BID: variants seen among roughly 807,000 people sequenced by gnomAD.
The protein encoded by BID is BH3-interacting domain death agonist.
Under a neutral mutation model 17.4 loss-of-function variants are expected in BID, and 19 were observed. That is an observed-to-expected ratio of 1.09 (90% CI 0.76 to 1.60). BID has a LOEUF of 1.60. BID is among the 40% of genes most tolerant of loss of function. The pLI is 0.00. For synonymous variants in BID, 108 were observed against 102.8 expected, an observed-to-expected ratio of 1.05 and a Z score of -0.31; for missense variants, 226 against 256.0, an observed-to-expected ratio of 0.88 and a Z score of 0.80.
chr22:17,747,008 T>C (rs181402), intron 2 of BID, among the ~76,000 whole-genome samples: 129,022 of 152,200 alleles, frequency 0.85, 54,811 homozygotes, highest in East Asian at 0.94. Flanking sequence ...CACAGAGCGG[T>C]GCTGCCACCA....
chr22:17,760,308 C>T (rs1801973271), intron 1 of BID, among the ~76,000 whole-genome samples: 1 of 150,802 alleles, frequency 6.6e-6, no homozygotes, highest in African/African-American at 2.4e-5. Context: ...AAAACTTAGC[C>T]AGGTGAGGTG....
At chr22:17,762,388 C>T (rs555001420) in intron 1 of BID, among the ~76,000 whole-genome samples, 109 of 152,054 alleles carry the variant, frequency 7.2e-4, no homozygotes, top group African/African-American at 2.6e-3. Context: ...CCCAGCTACT[C>T]GGGAGGCTGA....
rs949080684 is a variant in BID, at chr22:17,734,507, C to T, written c.*1073G>A. 3.9e-5 allele frequency: 6 copies of T among 152,170 alleles called. No individual in the cohort carries two copies. Among genetic ancestry groups the T allele is most frequent in the African/African-American group, 1.4e-4 (6 of 41,438 alleles). 9.4% of individuals were successfully genotyped at this position (152,170 alleles called of 1,614,324 possible). ...ATAGCTTACCACTGGAACAGCAGAC[C>T]AGTGTTGCACTGTTTCTAAAGCTAA... On this transcript the variant is annotated 3_prime_UTR_variant, in exon 6 of 6. Coordinates refer to ENST00000622694, the MANE Select transcript of BID (RefSeq NM_001196.4).
chr22:17,750,772 A>G (rs547075473), intron 1 of BID, among the ~76,000 whole-genome samples: 59 of 152,138 alleles, frequency 3.9e-4, no homozygotes, highest in Middle Eastern at 3.4e-3. Flanking sequence ...AGGTTGCAGT[A>G]AGCCGAGATC....
chr22:17,736,775 G>A (rs914097447), intron 5 of BID, among the ~76,000 whole-genome samples: 6 of 151,662 alleles, frequency 4.0e-5, no homozygotes, highest in East Asian at 1.9e-4. Context: ...CCATGACGGC[G>A]TGAACTACAG....
Position 17,769,307 on chromosome 22 carries a change from C to A in BID, c.-59+5074G>T, listed in dbSNP as rs1040393158. 1.3e-5 allele frequency among the ~76,000 whole-genome samples: 2 copies of A among 152,232 alleles called. No individual in the cohort carries two copies. The highest frequency in any genetic ancestry group is 6.5e-5 in the Admixed American group (1 of 15,286). The stretch of plus-strand genomic sequence containing the variant: ...TACACGGGTGACCCTTCCACAAAGG[C>A]CCCTAGCTGGGCTCCCTGCTCAGTT... On this transcript the variant is annotated intron_variant, in intron 1 of 5. Coordinates refer to ENST00000622694, the MANE Select transcript of BID (RefSeq NM_001196.4). The surrounding 1 kb of genome is among the most constrained non-coding windows in gnomAD (Gnocchi z 4.8).
At position 17,739,427 on chromosome 22, in the gene BID, G is replaced by A. The variant is rs907314237; in HGVS notation, c.285C>T (p.Asp95=). 2 of 1,612,244 alleles carry A rather than the reference G, an allele frequency of 1.2e-6. No individual in the cohort carries two copies. Among genetic ancestry groups the A allele is most frequent in the African/African-American group, 2.7e-5 (2 of 74,938 alleles). ...CCGGAGGGATGCTACGGTCCATGCT[G>A]TCCCCGACCTGGGCGAGGTGCCTGG... ...NIARHLAQVG[D]SMDRSIPPGL... The change falls in exon 4 of 6, where the codon GAC becomes GAT. Residue 95 remains aspartate, a synonymous_variant. Transcript: ENST00000622694.
At chr22:17,740,158 G>T (rs1272175084) in intron 3 of BID, 1 of 1,612,100 alleles carries the variant, frequency 6.2e-7, no homozygotes, top group South Asian at 1.1e-5. Flanking sequence ...AGCACTTGCT[G>T]TGTTATTGTC....
rs1601884456 is a variant in BID at position 17,769,687 on chromosome 22, G to A, written c.-59+4694C>T. On this transcript the variant is annotated intron_variant, in intron 1 of 5. Transcript: ENST00000622694. This position sits in a 1 kb window ranked among gnomAD's most constrained non-coding sequence, Gnocchi z 4.8. ...CCTGCCTCAGTTCCGCAGCCAGGAC[G>A]GTGCCTTACTGACTCCACACACAGA... 6.6e-6 allele frequency among the ~76,000 whole-genome samples: 1 copy of A among 152,158 alleles called. No individual in the cohort carries two copies. Among genetic ancestry groups the A allele is most frequent in the Admixed American group, 6.5e-5 (1 of 15,280 alleles).
At chr22:17,756,822 C>G (rs374819803) in intron 1 of BID, among the ~76,000 whole-genome samples, 2 of 152,176 alleles carry the variant, frequency 1.3e-5, no homozygotes, top group Admixed American at 6.5e-5. Context: ...GATCCGCCCC[C>G]CTCAGCCTCT....
In BID at chr22:17,735,457, T is replaced by TATC. The variant is rs1477164087; in HGVS notation, c.*120_*122dup. The stretch of plus-strand genomic sequence containing the variant: ...TTGTCTTTAAAATAGAAGTCACAGC[T>TATC]ATCTTCCAGCCTGTCTTCTCTAGGA... On this transcript the variant is annotated 3_prime_UTR_variant, in exon 6 of 6. Coordinates refer to ENST00000622694, the MANE Select transcript of BID (RefSeq NM_001196.4). The TATC allele has an allele frequency of 9.1e-7, 1 of 1,094,044 alleles. No individual in the cohort carries two copies. Among genetic ancestry groups the TATC allele is most frequent in the Non-Finnish European group, 1.4e-6 (1 of 731,230 alleles). The allele number at this position is 1,094,044 out of a possible 1,614,324, so 67.8% of individuals were successfully genotyped here.
At chr22:17,753,059 C>T (rs867581705) in intron 1 of BID, among the ~76,000 whole-genome samples, 4 of 150,306 alleles carry the variant, frequency 2.7e-5, no homozygotes, top group South Asian at 2.1e-4. Context: ...CTCCGCCTCC[C>T]GGGTTCACGC....
intron 1 of BID, 138 bp downstream of exon 1, chr22:17,774,243 C>T (rs2061743224): frequency 6.6e-6 from 1 of 151,374 alleles, no homozygotes; most frequent in Non-Finnish European, 1.5e-5. Context: ...TGACCCCCCG[C>T]CTCCCCTCCT....
At chr22:17,770,811 C>T (rs1569055673) in intron 1 of BID, among the ~76,000 whole-genome samples, 1 of 152,160 alleles carries the variant, frequency 6.6e-6, no homozygotes, top group African/African-American at 2.4e-5. Context: ...CTGCCCCCGG[C>T]GCCAGCATGG....
chr22:17,765,970 G>A (rs967622572), intron 1 of BID, among the ~76,000 whole-genome samples: 5 of 152,176 alleles, frequency 3.3e-5, no homozygotes, highest in African/African-American at 7.2e-5. Flanking sequence ...GCTCTGTTCC[G>A]CAGGCCGGAC....
intron 3 of BID, among the ~76,000 whole-genome samples, chr22:17,742,779 G>A (rs1156254358): frequency 6.6e-6 from 1 of 152,242 alleles, no homozygotes; most frequent in Non-Finnish European, 1.5e-5. Flanking sequence ...GGTTTCTCGT[G>A]TAATTCCAAT....
chr22:17,737,380 T>C (rs2061427774), intron 5 of BID, among the ~76,000 whole-genome samples: 1 of 152,058 alleles, frequency 6.6e-6, no homozygotes, highest in South Asian at 2.1e-4. Context: ...GGAGTCTTGC[T>C]CTGTCGCCCA....
chr22:17,751,264 C>G (rs1179674190), intron 1 of BID, among the ~76,000 whole-genome samples: 1 of 150,736 alleles, frequency 6.6e-6, no homozygotes, highest in African/African-American at 2.4e-5. Context: ...CCCAGCTACT[C>G]GGGAGGCTGA....
chr22:17,748,845 G>A (rs1483597967), intron 2 of BID, among the ~76,000 whole-genome samples: 2 of 152,266 alleles, frequency 1.3e-5, no homozygotes, highest in Non-Finnish European at 2.9e-5. Flanking sequence ...GCAGCGGCAG[G>A]TGGGAAGGGA....
Sources: gnomAD v4.1 joint callset for allele counts (sites outside exome capture counted in the v4.1 genomes callset) on GRCh38, gnomAD v4.1.1 for gene constraint, Gnocchi (gnomAD v3.1) non-coding constraint, MANE v1.5 for transcripts, NCBI Gene and HGNC (gene_info 2026-07-23, HGNC 2026-07-21) for gene names.